Variants in ZMYM2 observed in about 807,000 individuals in gnomAD.
ZMYM2 encodes zinc finger MYM-type protein 2.
Under a neutral mutation model 162.8 loss-of-function variants are expected in ZMYM2, and 56 were observed. The ratio of observed to expected loss-of-function variants is 0.34; its 90% CI spans 0.28 to 0.43. The LOEUF (loss-of-function observed/expected upper bound fraction) is 0.43. ZMYM2 is among the 20% of genes least tolerant of loss of function. The pLI, the probability that ZMYM2 is intolerant of heterozygous loss-of-function variation, is 1.00. For missense variants in ZMYM2, 1,275 were observed against 1,621.8 expected (o/e 0.79, Z 3.67); for synonymous variants, 510 against 541.6 (o/e 0.94, Z 0.81).
the ZMYM2 span, among the ~76,000 whole-genome samples, chr13:19,948,074 G>C: frequency 6.6e-6 from 1 of 150,980 alleles, no homozygotes; most frequent in Non-Finnish European, 1.5e-5. Context: ...ATACCTATCA[G>C]AAGGTGAAAA....
chr13:20,040,637 TCTG>T (rs1053261721), intron 12 of ZMYM2, among the ~76,000 whole-genome samples: 13 of 152,222 alleles, frequency 8.5e-5, no homozygotes, highest in Non-Finnish European at 1.5e-4. Context: ...TTTCTTGTCT[TCTG>T]CTAGCTTTGG....
intron 3 of ZMYM2, among the ~76,000 whole-genome samples, chr13:19,994,152 T>A (rs1949840421): frequency 6.6e-6 from 1 of 152,196 alleles, no homozygotes; most frequent in Admixed American, 6.5e-5. Flanking sequence ...TTTAAAGGAT[T>A]TAAGAAAAAA....
At chr13:19,977,708 T>G (rs1956915098) in intron 2 of ZMYM2, among the ~76,000 whole-genome samples, 1 of 151,158 alleles carries the variant, frequency 6.6e-6, no homozygotes, top group African/African-American at 2.4e-5. Context: ...GCCAGGATGG[T>G]CTCGATCTCC....
At chr13:20,004,268 T>G (rs9508998) in intron 4 of ZMYM2, among the ~76,000 whole-genome samples, 23,049 of 149,190 alleles carry the variant, frequency 0.15, 1,845 homozygotes, top group African/African-American at 0.22. Flanking sequence ...GTTTTGTTTT[T>G]TTTTGAGACG....
intron 9 of ZMYM2, 151 bp from the exon 10 acceptor site, chr13:20,031,168 A>G (rs1953094288): frequency 1.0e-5 from 5 of 490,244 alleles, no homozygotes; most frequent in Non-Finnish European, 3.5e-6. Context: ...ATAATTTTTA[A>G]GGACAAAATT....
chr13:19,908,213 A>T, the ZMYM2 span, among the ~76,000 whole-genome samples: 1 of 151,582 alleles, frequency 6.6e-6, no homozygotes, highest in Non-Finnish European at 1.5e-5. Context: ...TCTTGAACCC[A>T]GGAAGCGGAG....
chr13:20,051,353 T>C (rs571596460), intron 12 of ZMYM2, 80 bp from the exon 13 acceptor site: 3 of 1,473,134 alleles, frequency 2.0e-6, no homozygotes, highest in Admixed American at 4.4e-5. Flanking sequence ...TTTTATCACA[T>C]TTGGCAATAA....
the ZMYM2 span, among the ~76,000 whole-genome samples, chr13:19,945,791 A>G: frequency 3.3e-5 from 5 of 151,918 alleles, no homozygotes; most frequent in African/African-American, 7.3e-5. Flanking sequence ...AAAAAAAAAT[A>G]CAAAAAAATT....
At chr13:19,915,594 C>T in the ZMYM2 span, among the ~76,000 whole-genome samples, 3 of 152,092 alleles carry the variant, frequency 2.0e-5, no homozygotes, top group East Asian at 5.8e-4. Flanking sequence ...ACATCCGCCC[C>T]CCGGGTTCAA....
chr13:19,948,215 C>T, the ZMYM2 span, among the ~76,000 whole-genome samples: 1 of 152,168 alleles, frequency 6.6e-6, no homozygotes, highest in African/African-American at 2.4e-5. Context: ...AAACATACTC[C>T]TACCATATGA....
intron 6 of ZMYM2, among the ~76,000 whole-genome samples, chr13:20,006,818 C>T (rs1021396466): frequency 3.9e-5 from 6 of 152,030 alleles, no homozygotes; most frequent in Non-Finnish European, 7.4e-5. Context: ...AGGTCATTTC[C>T]GTGATATAAT....
chr13:20,035,737 T>G (rs1396828292), intron 11 of ZMYM2, among the ~76,000 whole-genome samples: 2 of 152,204 alleles, frequency 1.3e-5, no homozygotes, highest in African/African-American at 4.8e-5. Context: ...TGGGTTTTTT[T>G]CCTGTTAAAT....
chr13:19,989,336 C>T (rs1218811759), intron 2 of ZMYM2, among the ~76,000 whole-genome samples: 2 of 152,138 alleles, frequency 1.3e-5, no homozygotes, highest in African/African-American at 4.8e-5. Flanking sequence ...CAGAGTCTCA[C>T]CCCATCACCC....
intron 6 of ZMYM2, among the ~76,000 whole-genome samples, chr13:20,013,431 T>C (rs1160821206): frequency 2.0e-5 from 3 of 152,228 alleles, no homozygotes; most frequent in Non-Finnish European, 4.4e-5. Context: ...CGGATGCATT[T>C]TATTTCTTAA....
intron 12 of ZMYM2, among the ~76,000 whole-genome samples, chr13:20,048,133 CA>C (rs1168191185): frequency 6.6e-6 from 1 of 151,920 alleles, no homozygotes; most frequent in Non-Finnish European, 1.5e-5. Context: ...AGTTTTTTAA[CA>C]CAGGCTTTGA....
intron 6 of ZMYM2, among the ~76,000 whole-genome samples, chr13:20,017,564 A>T (rs1335845915): frequency 6.7e-6 from 1 of 148,310 alleles, no homozygotes; most frequent in East Asian, 2.0e-4. Context: ...GACTTTTCTA[A>T]CTCTGTCCTC....
chr13:19,971,777 A>T (rs890925115), intron 2 of ZMYM2, among the ~76,000 whole-genome samples: 1 of 152,084 alleles, frequency 6.6e-6, no homozygotes, highest in Non-Finnish European at 1.5e-5. Flanking sequence ...ATTAAGAATG[A>T]TCTCCAGATT....
chr13:19,883,593 T>C, the ZMYM2 span, among the ~76,000 whole-genome samples: 1 of 151,090 alleles, frequency 6.6e-6, no homozygotes, highest in Non-Finnish European at 1.5e-5. Context: ...CAGGCTATGT[T>C]TATTTAGTTT....
the ZMYM2 span, among the ~76,000 whole-genome samples, chr13:19,866,351 A>G: frequency 6.6e-6 from 1 of 152,192 alleles, no homozygotes; most frequent in Non-Finnish European, 1.5e-5. Context: ...TTAATTCCCA[A>G]TCAGCACAGT....
Sources: allele counts gnomAD v4.1 joint callset (sites outside exome capture counted in the v4.1 genomes callset), GRCh38; gene constraint gnomAD v4.1.1; transcripts MANE v1.5; gene names NCBI Gene and HGNC (gene_info 2026-07-23, HGNC 2026-07-21).